The following RBFOX1 variants were observed in gnomAD, a reference collection of about 807,000 sequenced individuals.
The protein encoded by RBFOX1 is RNA binding protein fox-1 homolog 1.
In RBFOX1, 8 loss-of-function variants were observed where a neutral mutation model predicts 57.7. That is an observed-to-expected ratio of 0.14 (90% CI 0.08 to 0.25). The LOEUF is 0.25. RBFOX1 is among the 10% of genes least tolerant of loss of function. The pLI, the probability that RBFOX1 is intolerant of heterozygous loss-of-function variation, is 1.00. For synonymous variants in RBFOX1, 326 were observed against 222.4 expected (o/e 1.47, Z -4.15); for missense variants, 611 against 548.5 (o/e 1.11, Z -1.14).
intron 2 of RBFOX1, among the ~76,000 whole-genome samples, chr16:6,613,224 A>G (rs925522158): frequency 1.3e-5 from 2 of 152,038 alleles, no homozygotes; most frequent in African/African-American, 2.4e-5. Context: ...CCCACTGTGC[A>G]CTTCCCTTCC....
intron 1 of RBFOX1, among the ~76,000 whole-genome samples, chr16:5,440,908 T>C (rs1256985712): frequency 6.6e-6 from 1 of 152,188 alleles, no homozygotes; most frequent in Non-Finnish European, 1.5e-5. Flanking sequence ...TTTCGAAAGG[T>C]CACGCACCTG....
At chr16:5,405,599 G>T (rs955610587) in intron 1 of RBFOX1, among the ~76,000 whole-genome samples, 1 of 152,172 alleles carries the variant, frequency 6.6e-6, no homozygotes, top group Admixed American at 6.5e-5. Flanking sequence ...CTCCATCATA[G>T]ATGCTAAAAA....
At chr16:5,565,986 C>G (rs542617010) in intron 2 of RBFOX1, among the ~76,000 whole-genome samples, 1 of 152,254 alleles carries the variant, frequency 6.6e-6, no homozygotes, top group Non-Finnish European at 1.5e-5. Context: ...GTGAATAAGT[C>G]TCCTGAGATC....
intron 3 of RBFOX1, among the ~76,000 whole-genome samples, chr16:5,839,712 G>C (rs747447293): frequency 1.3e-4 from 18 of 135,390 alleles, no homozygotes; most frequent in Non-Finnish European, 2.5e-4. Context: ...TGTAGTCTTA[G>C]GGTTACAAGA....
At chr16:7,240,639 T>G (rs760633884) in intron 4 of RBFOX1, among the ~76,000 whole-genome samples, 10 of 152,116 alleles carry the variant, frequency 6.6e-5, no homozygotes, top group Non-Finnish European at 1.5e-4. Context: ...ACTGCAGCCT[T>G]GACCTTCTGG....
chr16:5,638,357 G>A (rs575777548), intron 3 of RBFOX1, among the ~76,000 whole-genome samples: 1 of 152,310 alleles, frequency 6.6e-6, no homozygotes, highest in Non-Finnish European at 1.5e-5. Context: ...GCTAAACGTT[G>A]TTTGGTACTT....
chr16:6,395,340 T>C (rs1231580996), intron 2 of RBFOX1, among the ~76,000 whole-genome samples: 1 of 152,230 alleles, frequency 6.6e-6, no homozygotes, highest in Non-Finnish European at 1.5e-5. Context: ...GAAAACTCTG[T>C]CAAAGCCATG....
At chr16:7,109,832 TACGTGATGAG>T (rs2064324788) in intron 4 of RBFOX1, among the ~76,000 whole-genome samples, 1 of 152,148 alleles carries the variant, frequency 6.6e-6, no homozygotes, top group Non-Finnish European at 1.5e-5. Flanking sequence ...AGCCTTGCAC[TACGTGATGAG>T]GTGAGGTGCT....
intron 1 of RBFOX1, among the ~76,000 whole-genome samples, chr16:6,279,224 T>G (rs1488429147): frequency 6.6e-6 from 1 of 152,214 alleles, no homozygotes; most frequent in Non-Finnish European, 1.5e-5. Context: ...AAGGGAATTA[T>G]GTTAGGATTA....
chr16:6,837,007 A>G lies in RBFOX1; in HGVS notation c.-16+182357A>G, dbSNP rs187239100. On this transcript the variant is annotated intron_variant, in intron 3 of 15. Transcript: ENST00000550418. ...GAATGACTCACATAGCTTCTCACGG[A>G]TGAACACACCTATTTACTCGGCTTT... Among the ~76,000 whole-genome samples the G allele has an allele frequency of 4.3e-3, 657 of 152,248 alleles. 4 individuals carry two copies. The highest frequency in any genetic ancestry group is 7.9e-3 in the Non-Finnish European group (538 of 68,024).
At chr16:6,386,783 C>A (rs1269381013) in intron 2 of RBFOX1, among the ~76,000 whole-genome samples, 1 of 152,056 alleles carries the variant, frequency 6.6e-6, no homozygotes, top group African/African-American at 2.4e-5. Context: ...CTCTGGGGAT[C>A]TACTATTTCA....
intron 1 of RBFOX1, among the ~76,000 whole-genome samples, chr16:5,330,480 G>A (rs892579384): frequency 2.0e-5 from 3 of 152,100 alleles, no homozygotes; most frequent in African/African-American, 7.2e-5. Context: ...TCGGCTCACT[G>A]CATCCTCCGC....
At chr16:7,600,527 G>A (rs2094956898) in intron 9 of RBFOX1, among the ~76,000 whole-genome samples, 1 of 152,138 alleles carries the variant, frequency 6.6e-6, no homozygotes, top group African/African-American at 2.4e-5. Context: ...GACCAATAAA[G>A]TCACATTGAA....
At chr16:6,378,642 T>G (rs2091468096) in intron 2 of RBFOX1, among the ~76,000 whole-genome samples, 1 of 152,156 alleles carries the variant, frequency 6.6e-6, no homozygotes, top group African/African-American at 2.4e-5. Flanking sequence ...CTCAATGCTC[T>G]TCCCCATTGG....
intron 4 of RBFOX1, among the ~76,000 whole-genome samples, chr16:7,394,428 C>G (rs1003191011): frequency 3.3e-5 from 5 of 152,048 alleles, no homozygotes; most frequent in South Asian, 4.2e-4. Context: ...CTTACCTCCC[C>G]TAATGGCCAT....
chr16:6,907,970 G>A (rs1370008237), intron 3 of RBFOX1, among the ~76,000 whole-genome samples: 1 of 151,692 alleles, frequency 6.6e-6, no homozygotes, highest in Non-Finnish European at 1.5e-5. Context: ...CTCCCCGTGA[G>A]CATGGATGTC....
intron 1 of RBFOX1, among the ~76,000 whole-genome samples, chr16:6,236,908 A>G (rs1416609196): frequency 6.6e-6 from 1 of 152,208 alleles, no homozygotes; most frequent in Non-Finnish European, 1.5e-5. Context: ...GCCCAAGGTC[A>G]CACAGTGGCA....
chr16:5,944,804 A>G (rs999497565), intron 4 of RBFOX1, among the ~76,000 whole-genome samples: 1 of 140,904 alleles, frequency 7.1e-6, no homozygotes, highest in African/African-American at 2.7e-5. Context: ...AAAAAAAAAA[A>G]AAAAATTAGC....
intron 2 of RBFOX1, among the ~76,000 whole-genome samples, chr16:6,353,490 A>T (rs966628966): frequency 1.2e-4 from 18 of 151,734 alleles, no homozygotes; most frequent in African/African-American, 4.4e-4. Flanking sequence ...GGTCCCTTTT[A>T]AGTGTAGGGC....
Sources: allele counts gnomAD v4.1 joint callset (sites outside exome capture counted in the v4.1 genomes callset), GRCh38; gene constraint gnomAD v4.1.1; transcripts MANE v1.5; gene names NCBI Gene and HGNC (gene_info 2026-07-23, HGNC 2026-07-21).